FUT8: variants seen among roughly 807,000 people sequenced by gnomAD.
FUT8 encodes fucosyltransferase 8, also known as alpha-(1,6)-fucosyltransferase.
In FUT8, 29 loss-of-function variants were observed where a neutral mutation model predicts 71.3. The observed-to-expected ratio is 0.41, with a 90% confidence interval of 0.30 to 0.55. The LOEUF is 0.55. FUT8 is among the 20% of genes least tolerant of loss of function. The pLI is 0.34. For synonymous variants in FUT8, 254 were observed against 239.3 expected, an observed-to-expected ratio of 1.06 and a Z score of -0.57; for missense variants, 544 against 702.1, an observed-to-expected ratio of 0.77 and a Z score of 2.55.
At chr14:65,440,823 A>G (rs1310405476) in intron 1 of FUT8, among the ~76,000 whole-genome samples, 1 of 152,180 alleles carries the variant, frequency 6.6e-6, no homozygotes, top group Non-Finnish European at 1.5e-5. Flanking sequence ...AATACAGGCA[A>G]TAAAACACAC....
intron 7 of FUT8, among the ~76,000 whole-genome samples, chr14:65,703,983 C>T (rs1380968754): frequency 6.6e-6 from 1 of 152,136 alleles, no homozygotes; most frequent in Non-Finnish European, 1.5e-5. Context: ...TCATTTTCTT[C>T]TCTTACGATG....
intron 1 of FUT8, among the ~76,000 whole-genome samples, chr14:65,421,194 GAAAA>G (rs61617981): frequency 1.7e-4 from 16 of 94,832 alleles, no homozygotes; most frequent in African/African-American, 5.7e-4. Context: ...TCCATCTCAG[GAAAA>G]AAAAAAAAAA....
chr14:65,545,355 T>C (rs2139980280), intron 2 of FUT8, among the ~76,000 whole-genome samples: 1 of 152,138 alleles, frequency 6.6e-6, no homozygotes, highest in South Asian at 2.1e-4. Context: ...GTATGTACTA[T>C]ATATGGCTCT....
At chr14:65,386,498 C>T in the FUT8 span, among the ~76,000 whole-genome samples, 18,638 of 117,104 alleles carry the variant, frequency 0.16, 1,950 homozygotes, top group East Asian at 0.58. Flanking sequence ...AGTGAGACCT[C>T]GTCTCAAAAA....
Position 65,687,203 on chromosome 14 carries a change from C to G in FUT8, c.835+17723C>G, listed in dbSNP as rs566651426. Among the ~76,000 whole-genome samples the G allele has an allele frequency of 2.6e-5, 4 of 152,312 alleles. No homozygotes were observed. In the South Asian group the frequency reaches 6.2e-4, roughly 24 times the overall value. The stretch of plus-strand genomic sequence containing the variant: ...TCTTTAGTCAAAGAGAAAACCTTTT[C>G]CCATCCTTAATAATTTTACCAGTTA... On this transcript the variant is annotated intron_variant, in intron 7 of 10. Coordinates refer to ENST00000673929, the MANE Select transcript of FUT8 (RefSeq NM_001371533.1).
chr14:65,434,663 G>T (rs759108257), intron 1 of FUT8, among the ~76,000 whole-genome samples: 3 of 152,176 alleles, frequency 2.0e-5, no homozygotes, highest in Admixed American at 6.6e-5. Context: ...TCAAAACTAA[G>T]AATTTACTGT....
chr14:65,433,874 C>T (rs1256833919), intron 1 of FUT8, among the ~76,000 whole-genome samples: 1 of 151,602 alleles, frequency 6.6e-6, no homozygotes, highest in Non-Finnish European at 1.5e-5. Context: ...TCATAGAGCA[C>T]TGCAACCTGA....
chr14:65,610,232 G>T (rs1888812589), intron 3 of FUT8, among the ~76,000 whole-genome samples: 1 of 151,828 alleles, frequency 6.6e-6, no homozygotes. Context: ...CAATATCGTG[G>T]TGAGTAGAAG....
chr14:65,572,529 G>A (rs1210133828), intron 3 of FUT8, among the ~76,000 whole-genome samples: 1 of 152,132 alleles, frequency 6.6e-6, no homozygotes, highest in Non-Finnish European at 1.5e-5. Flanking sequence ...GGCTCTAAAA[G>A]TCACTGCTTT....
At chr14:65,708,059 T>C (rs1178323777) in intron 7 of FUT8, among the ~76,000 whole-genome samples, 1 of 152,250 alleles carries the variant, frequency 6.6e-6, no homozygotes, top group African/African-American at 2.4e-5. Flanking sequence ...CTTTGGATAG[T>C]GATACGGTTA....
At chr14:65,577,076 C>T (rs200638450) in intron 3 of FUT8, among the ~76,000 whole-genome samples, 2 of 151,986 alleles carry the variant, frequency 1.3e-5, no homozygotes, top group South Asian at 4.2e-4. Context: ...TCTCGAACTC[C>T]TGGGCTCTAG....
At chr14:65,430,615 T>A (rs1437254793) in intron 1 of FUT8, among the ~76,000 whole-genome samples, 1 of 152,242 alleles carries the variant, frequency 6.6e-6, no homozygotes, top group Non-Finnish European at 1.5e-5. Context: ...TCTTGAATAC[T>A]TGTCTTTAAG....
intron 6 of FUT8, among the ~76,000 whole-genome samples, chr14:65,661,854 T>C (rs74058549): frequency 3.9e-5 from 6 of 152,226 alleles, no homozygotes; most frequent in South Asian, 2.1e-4. Context: ...ATTTGAAATA[T>C]GTCTAACAGT....
In FUT8 at chr14:65,470,122, C is replaced by T. The variant is rs534404528; in HGVS notation, c.-228+14404C>T. ...TCAGCTTCCTCAGAGGGGGCCTAGG[C>T]GGCAGGGCCTGAGCATGCGCATATC... is the stretch of plus-strand genomic sequence containing the variant. On this transcript the variant is annotated intron_variant, in intron 2 of 10. Transcript: ENST00000673929. Among the ~76,000 whole-genome samples, 6 of 152,360 alleles carry T rather than the reference C, an allele frequency of 3.9e-5. No homozygotes were observed. The East Asian group carries it at 7.7e-4, about 20-fold the overall frequency.
At chr14:65,502,596 C>T (rs2066663960) in intron 2 of FUT8, among the ~76,000 whole-genome samples, 1 of 152,278 alleles carries the variant, frequency 6.6e-6, no homozygotes. Flanking sequence ...TTAGATACTC[C>T]TTCTTTGCCT....
chr14:65,468,340 G>A (rs974909113), intron 2 of FUT8: 14 of 579,358 alleles, frequency 2.4e-5, no homozygotes, highest in Admixed American at 5.9e-5. Flanking sequence ...CTTTGTGTTC[G>A]TCCTTTTGGC....
upstream of FUT8, among the ~76,000 whole-genome samples, chr14:65,408,115 G>T (rs567006298): frequency 2.0e-5 from 3 of 152,176 alleles, no homozygotes; most frequent in African/African-American, 7.2e-5. Context: ...CCAAATCTCA[G>T]TGGCTTAAAC....
chr14:65,543,553 A>G (rs1488058318), intron 2 of FUT8, among the ~76,000 whole-genome samples: 1 of 152,108 alleles, frequency 6.6e-6, no homozygotes, highest in Non-Finnish European at 1.5e-5. Context: ...TAAAAAAAAC[A>G]TAGAGTGTTG....
chr14:65,711,435 C>A (rs1368530462), intron 7 of FUT8, among the ~76,000 whole-genome samples: 4 of 152,150 alleles, frequency 2.6e-5, no homozygotes, highest in Non-Finnish European at 5.9e-5. Flanking sequence ...CTTTTACTTA[C>A]AGGAAGCTGA....
Sources: gnomAD v4.1 joint callset for allele counts (sites outside exome capture counted in the v4.1 genomes callset) on GRCh38, gnomAD v4.1.1 for gene constraint, MANE v1.5 for transcripts, NCBI Gene and HGNC (gene_info 2026-07-23, HGNC 2026-07-21) for gene names.